Variants in UBE4B observed in about 807,000 individuals in gnomAD.
UBE4B encodes ubiquitin conjugation factor E4 B.
A neutral mutation model predicts 148.1 loss-of-function variants in UBE4B; 27 were observed. That is an observed-to-expected ratio of 0.18 (90% CI 0.13 to 0.25). The LOEUF (loss-of-function observed/expected upper bound fraction) is 0.25, where lower values mean the gene tolerates loss of function less well. Ranked by LOEUF, UBE4B falls within the 10% of genes least tolerant of loss-of-function variation. The probability of loss-of-function intolerance (pLI) is 1.00; values close to 1 mark genes in which losing one functional copy is unlikely to be tolerated. For synonymous variants in UBE4B, 596 were observed against 619.3 expected (o/e 0.96, Z 0.56); for missense variants, 1,170 against 1,662.4 (o/e 0.70, Z 5.15).
At position 10,106,241 on chromosome 1, in the gene UBE4B, C is replaced by G. The variant is rs998210395; in HGVS notation, c.854C>G (p.Ser285Cys). The change falls in exon 7 of 28, where the codon TCT (serine) becomes TGT (cysteine). Residue 285 changes from serine to cysteine, a missense_variant. Coordinates refer to ENST00000343090, the MANE Select transcript of UBE4B (RefSeq NM_001105562.3). This position sits in a 1 kb window ranked among gnomAD's most constrained non-coding sequence, Gnocchi z 4.2. The part of the protein sequence containing the change: ...SPAPTPSFWS[S>C]VPVMGPSLAS... ...GCTCCCACTCCCAGTTTCTGGAGCT[C>G]TGTTCCCGTGATGGGCCCGTCTCTT... 8 of 1,613,242 alleles carry G rather than the reference C, an allele frequency of 5.0e-6. No individual in the cohort carries two copies. The highest frequency in any genetic ancestry group is 1.6e-4 in the Middle Eastern group (1 of 6,084).
At chr1:10,138,327 G>T (rs1645728912) in intron 17 of UBE4B, among the ~76,000 whole-genome samples, 1 of 152,056 alleles carries the variant, frequency 6.6e-6, no homozygotes, top group Non-Finnish European at 1.5e-5. Flanking sequence ...TTGATCTCCT[G>T]ACCTCGTGAT....
intron 2 of UBE4B, among the ~76,000 whole-genome samples, chr1:10,087,978 CA>C (rs1394229423): frequency 1.3e-5 from 2 of 152,206 alleles, no homozygotes; most frequent in Non-Finnish European, 2.9e-5. Context: ...GTTATGATTT[CA>C]GTAGCAACAT....
At chr1:10,159,260 G>C (rs1220139219) in intron 22 of UBE4B, among the ~76,000 whole-genome samples, 1 of 152,176 alleles carries the variant, frequency 6.6e-6, no homozygotes, top group African/African-American at 2.4e-5. Context: ...ATACCTACCT[G>C]AAATCTGAGT....
At chr1:10,084,955 C>G (rs970943436) in intron 2 of UBE4B, among the ~76,000 whole-genome samples, 10 of 152,062 alleles carry the variant, frequency 6.6e-5, no homozygotes, top group African/African-American at 2.4e-4. Flanking sequence ...CCCCCTGCCT[C>G]AGCCTCCCAG....
intron 1 of UBE4B, among the ~76,000 whole-genome samples, chr1:10,058,034 A>G (rs958110468): frequency 6.6e-6 from 1 of 152,146 alleles, no homozygotes; most frequent in Non-Finnish European, 1.5e-5. Flanking sequence ...TCTCTGTTAC[A>G]ATTAAAGTGG....
intron 25 of UBE4B, among the ~76,000 whole-genome samples, chr1:10,175,616 A>C (rs561338737): frequency 6.6e-6 from 1 of 152,084 alleles, no homozygotes; most frequent in Non-Finnish European, 1.5e-5. Flanking sequence ...GCGCCACTGC[A>C]CTCCAGCCTG....
At chr1:10,047,011 A>T (rs1293409452) in intron 1 of UBE4B, among the ~76,000 whole-genome samples, 3 of 152,224 alleles carry the variant, frequency 2.0e-5, no homozygotes, top group Admixed American at 1.3e-4. Flanking sequence ...CCATGTTGGC[A>T]TGCAGGCTGT....
chr1:10,139,234 A>G (rs1317666150), intron 17 of UBE4B, among the ~76,000 whole-genome samples: 1 of 152,150 alleles, frequency 6.6e-6, no homozygotes, highest in Non-Finnish European at 1.5e-5. Context: ...CGTCTCTACT[A>G]CAAAAATTAG....
At chr1:10,094,541 C>G (rs945915671) in intron 2 of UBE4B, among the ~76,000 whole-genome samples, 1 of 151,456 alleles carries the variant, frequency 6.6e-6, no homozygotes, top group African/African-American at 2.4e-5. Flanking sequence ...TCAAGCAATT[C>G]TCCTGCCTCA....
intron 2 of UBE4B, among the ~76,000 whole-genome samples, chr1:10,087,448 T>A (rs1644783536): frequency 6.6e-6 from 1 of 152,246 alleles, no homozygotes; most frequent in Admixed American, 6.5e-5. Flanking sequence ...TGATTTTGAC[T>A]AAACTAAACA....
intron 22 of UBE4B, among the ~76,000 whole-genome samples, chr1:10,159,857 T>C (rs1646133020): frequency 6.6e-6 from 1 of 152,232 alleles, no homozygotes; most frequent in Non-Finnish European, 1.5e-5. Flanking sequence ...AAGCAAACTT[T>C]TTAACTTTTT....
intron 1 of UBE4B, among the ~76,000 whole-genome samples, chr1:10,068,467 G>A (rs538670564): frequency 2.5e-4 from 38 of 150,774 alleles, no homozygotes; most frequent in Admixed American, 1.1e-3. Context: ...CTCCTGCCGC[G>A]GCCTCCTCAG....
At chr1:10,046,450 G>T (rs1643914144) in intron 1 of UBE4B, among the ~76,000 whole-genome samples, 1 of 152,160 alleles carries the variant, frequency 6.6e-6, no homozygotes, top group South Asian at 2.1e-4. Flanking sequence ...GAGAGGTTAG[G>T]ATAATGGAAG....
intron 8 of UBE4B, 97 bp from the exon 9 acceptor site, chr1:10,119,416 G>T: frequency 8.2e-7 from 1 of 1,219,612 alleles, no homozygotes; most frequent in Non-Finnish European, 1.2e-6. Flanking sequence ...AAAGCACGCT[G>T]TTTACTGATG....
chr1:10,064,699 A>G (rs190913331), intron 1 of UBE4B, among the ~76,000 whole-genome samples: 1 of 151,726 alleles, frequency 6.6e-6, no homozygotes, highest in Non-Finnish European at 1.5e-5. Context: ...ACTGCTGTAC[A>G]TGGCTAGAGA....
chr1:10,140,579 C>T (rs181689442), intron 17 of UBE4B, among the ~76,000 whole-genome samples: 2 of 152,238 alleles, frequency 1.3e-5, no homozygotes, highest in South Asian at 2.1e-4. Context: ...CTTTATCCTC[C>T]GATGGATTAC....
intron 1 of UBE4B, among the ~76,000 whole-genome samples, chr1:10,045,348 G>A (rs1346823795): frequency 2.0e-5 from 3 of 152,182 alleles, no homozygotes; most frequent in Non-Finnish European, 2.9e-5. Flanking sequence ...TAGGAGGATT[G>A]CATTTCACAC....
In UBE4B at chr1:10,171,305, C is replaced by T. The variant is rs757111718; in HGVS notation, c.3501C>T (p.Phe1167=). The change falls in exon 25 of 28, where the codon TTC becomes TTT. Residue 1167 remains phenylalanine, a synonymous_variant. Coordinates refer to ENST00000343090, the MANE Select transcript of UBE4B (RefSeq NM_001105562.3). ...DIYLQLDCAR[F]AKAIADDQRS... is the part of the protein sequence containing the mutation. ...ACTTACAGCTGGACTGTGCTCGGTT[C>T]GCGAAAGCCATTGCTGACGACCAGG... is the stretch of plus-strand genomic sequence containing the variant. 9 of 1,613,616 alleles carry T rather than the reference C, an allele frequency of 5.6e-6. No individual in the cohort carries two copies. In the East Asian group the frequency reaches 6.7e-5, roughly 12 times the overall value.
At chr1:10,149,337 T>A in intron 20 of UBE4B, 55 bp downstream of exon 20, 1 of 1,373,678 alleles carries the variant, frequency 7.3e-7, no homozygotes, top group Non-Finnish European at 1.0e-6. Context: ...CATAATAGTA[T>A]AATATTCTGA....
Sources: allele counts gnomAD v4.1 joint callset (sites outside exome capture counted in the v4.1 genomes callset), GRCh38; gene constraint gnomAD v4.1.1; non-coding constraint Gnocchi (gnomAD v3.1); transcripts MANE v1.5; gene names NCBI Gene and HGNC (gene_info 2026-07-23, HGNC 2026-07-21).